PARG: variants seen among roughly 807,000 people sequenced by gnomAD.
PARG encodes poly(ADP-ribose) glycohydrolase.
In PARG, 35 loss-of-function variants were observed where a neutral mutation model predicts 113.0. The ratio of observed to expected loss-of-function variants is 0.31; its 90% CI spans 0.24 to 0.41. The LOEUF is 0.41. Among genes scored for constraint, PARG ranks in the 10% least tolerant of loss-of-function variants. The pLI is 1.00. For missense variants in PARG, 797 were observed against 1,169.4 expected (o/e 0.68, Z 4.64); for synonymous variants, 330 against 409.9 (o/e 0.81, Z 2.36).
intron 7 of PARG, among the ~76,000 whole-genome samples, chr10:49,889,961 C>T (rs139898113): frequency 1.4e-3 from 216 of 152,288 alleles, no homozygotes; most frequent in African/African-American, 4.3e-3. Context: ...TAAAATATCA[C>T]CATGACCTTA....
chr10:49,859,937 T>A (rs1554835653), intron 12 of PARG, among the ~76,000 whole-genome samples: 2 of 152,152 alleles, frequency 1.3e-5, no homozygotes, highest in Non-Finnish European at 2.9e-5. Flanking sequence ...TAGCCAGTTA[T>A]TTTCCAAGTC....
chr10:49,832,403 T>G lies in PARG; in HGVS notation c.2647+400A>C, dbSNP rs117655697. Among the ~76,000 whole-genome samples, 1,201 of 152,354 alleles carry G rather than the reference T, an allele frequency of 7.9e-3. 7 individuals are homozygous for G. Among genetic ancestry groups the G allele is most frequent in the Admixed American group, 0.015 (231 of 15,306 alleles). ...TTCTCCATCTTTGTATCTCAGAGCC[T>G]ACCACTGTGCCTAGAAAGTGGCAGA... is the stretch of plus-strand genomic sequence containing the variant. On this transcript the variant is annotated intron_variant, in intron 16 of 17. Transcript: ENST00000616448.
At position 49,912,860 on chromosome 10, in the gene PARG, C is replaced by T. The variant is rs578114063; in HGVS notation, c.1737+3057G>A. 2.6e-4 allele frequency among the ~76,000 whole-genome samples: 40 copies of T among 152,128 alleles called. 1 individual carries two copies. The South Asian group carries it at 3.1e-3, about 12-fold the overall frequency. ...GCACATGCCTGTAGTCCCAGCTAAA[C>T]GGGAGGCTAAAGTGGGAGGAAGTAT... On this transcript the variant is annotated intron_variant, in intron 7 of 17. Coordinates refer to ENST00000616448, the MANE Select transcript of PARG (RefSeq NM_003631.5).
At chr10:49,917,371 C>T (rs1554847925) in intron 6 of PARG, among the ~76,000 whole-genome samples, 2 of 151,746 alleles carry the variant, frequency 1.3e-5, no homozygotes, top group African/African-American at 4.8e-5. Context: ...TGCTTGTAAT[C>T]CCAGCTACTC....
chr10:49,828,597 T>C (rs1218617338), intron 16 of PARG, among the ~76,000 whole-genome samples: 2 of 152,146 alleles, frequency 1.3e-5, no homozygotes, highest in African/African-American at 4.8e-5. Context: ...CCTGTGGCTC[T>C]TAGGGCCACT....
intron 7 of PARG, among the ~76,000 whole-genome samples, chr10:49,903,860 G>A (rs1848453709): frequency 6.6e-6 from 1 of 152,072 alleles, no homozygotes; most frequent in Non-Finnish European, 1.5e-5. Flanking sequence ...ATCACCAATA[G>A]AGTTGAAAAG....
chr10:49,927,406 G>GAAAGAAAGA (rs1554850922), intron 4 of PARG, among the ~76,000 whole-genome samples: 1 of 101,556 alleles, frequency 9.8e-6, no homozygotes, highest in African/African-American at 2.8e-5. Context: ...AAGAAAGAAA[G>GAAAGAAAGA]AAAGAAAGAA....
intron 6 of PARG, among the ~76,000 whole-genome samples, chr10:49,917,128 T>C (rs1199134299): frequency 2.0e-5 from 3 of 152,178 alleles, no homozygotes; most frequent in African/African-American, 7.2e-5. Flanking sequence ...TAAAATAAGA[T>C]AGCCAGAAAG....
chr10:49,861,186 A>G (rs1401663245), intron 12 of PARG, among the ~76,000 whole-genome samples: 2 of 152,030 alleles, frequency 1.3e-5, no homozygotes, highest in Non-Finnish European at 2.9e-5. Context: ...AAACATCTCC[A>G]TCTGGTCATC....
intron 16 of PARG, among the ~76,000 whole-genome samples, chr10:49,821,382 G>GAT (rs1473673823): frequency 6.6e-6 from 1 of 151,896 alleles, no homozygotes; most frequent in Non-Finnish European, 1.5e-5. Flanking sequence ...CATTAAAGAG[G>GAT]ATATATATAT....
At chr10:49,853,273 T>G (rs1462731625) in intron 13 of PARG, among the ~76,000 whole-genome samples, 1 of 151,766 alleles carries the variant, frequency 6.6e-6, no homozygotes, top group African/African-American at 2.4e-5. Flanking sequence ...CCTGACCTCA[T>G]GATCCGCCCG....
At chr10:49,852,439 T>C (rs1564613525) in intron 13 of PARG, among the ~76,000 whole-genome samples, 1 of 151,636 alleles carries the variant, frequency 6.6e-6, no homozygotes, top group Non-Finnish European at 1.5e-5. Flanking sequence ...CAAATTATCT[T>C]TAAAAAAAGA....
intron 6 of PARG, among the ~76,000 whole-genome samples, chr10:49,920,659 T>C (rs1837820579): frequency 6.7e-6 from 1 of 149,806 alleles, no homozygotes; most frequent in African/African-American, 2.4e-5. Context: ...CGTATATATA[T>C]GGAGTTTATA....
intron 13 of PARG, among the ~76,000 whole-genome samples, chr10:49,848,119 G>A (rs1167670741): frequency 6.6e-6 from 1 of 151,070 alleles, no homozygotes; most frequent in Non-Finnish European, 1.5e-5. Flanking sequence ...GGGAGGTCGA[G>A]GCGGGCGGAT....
intron 15 of PARG, among the ~76,000 whole-genome samples, chr10:49,835,939 C>A (rs1052938221): frequency 6.6e-6 from 1 of 152,102 alleles, no homozygotes; most frequent in Admixed American, 6.5e-5. Context: ...CCTACCGTTG[C>A]GTCACAGCTG....
chr10:49,820,604 C>G (rs1253440436), intron 16 of PARG, among the ~76,000 whole-genome samples: 1 of 151,836 alleles, frequency 6.6e-6, no homozygotes, highest in Non-Finnish European at 1.5e-5. Context: ...TGACTGTAAT[C>G]CCAGCTACTC....
intron 16 of PARG, among the ~76,000 whole-genome samples, chr10:49,831,145 T>C (rs981115968): frequency 6.6e-6 from 1 of 152,160 alleles, no homozygotes; most frequent in Non-Finnish European, 1.5e-5. Context: ...ACATTGCTAC[T>C]GAGATGACCT....
At chr10:49,820,428 T>G (rs1844013839) in intron 16 of PARG, 135 bp from the exon 17 acceptor site, 2 of 616,748 alleles carry the variant, frequency 3.2e-6, no homozygotes, top group Middle Eastern at 5.6e-4. Flanking sequence ...GTATTAGAAA[T>G]GGGGAACACA....
At chr10:49,822,352 C>T (rs1165982101) in intron 16 of PARG, among the ~76,000 whole-genome samples, 1 of 152,182 alleles carries the variant, frequency 6.6e-6, no homozygotes, top group African/African-American at 2.4e-5. Context: ...TTGGTCTCTA[C>T]CATCATTCCC....
Sources: allele counts gnomAD v4.1 joint callset (sites outside exome capture counted in the v4.1 genomes callset), GRCh38; gene constraint gnomAD v4.1.1; transcripts MANE v1.5; gene names NCBI Gene and HGNC (gene_info 2026-07-23, HGNC 2026-07-21).